The following AFAP1L2 variants were observed in gnomAD, a reference collection of about 807,000 sequenced individuals.
The protein encoded by AFAP1L2 is actin filament associated protein 1 like 2.
Under a neutral mutation model 99.3 loss-of-function variants are expected in AFAP1L2, and 46 were observed. The ratio of observed to expected loss-of-function variants is 0.46; its 90% CI spans 0.37 to 0.59. The LOEUF (loss-of-function observed/expected upper bound fraction) is 0.59, where lower values mean the gene tolerates loss of function less well. AFAP1L2 is among the 20% of genes least tolerant of loss of function. The pLI is 0.00. For missense variants in AFAP1L2, 959 were observed against 1,034.9 expected, an observed-to-expected ratio of 0.93 and a Z score of 1.01; for synonymous variants, 397 against 419.1, an observed-to-expected ratio of 0.95 and a Z score of 0.64.
In AFAP1L2 at chr10:114,295,590, C is replaced by T; in HGVS notation, c.*452G>A. On this transcript the variant is annotated 3_prime_UTR_variant, in exon 19 of 19. Transcript: ENST00000304129. ...GAACTGAAGGCAAGGATGGTTTAAT[C>T]CCCAACTGCTAAGTATTGGATAAGA... 1 of 988,284 alleles carries T rather than the reference C, an allele frequency of 1.0e-6. No homozygotes were observed. Among genetic ancestry groups the T allele is most frequent in the Non-Finnish European group, 1.2e-6 (1 of 831,964 alleles). 61.2% of individuals were successfully genotyped at this position (988,284 alleles called of 1,614,324 possible).
chr10:114,391,135 C>T (rs1164875343), intron 1 of AFAP1L2, among the ~76,000 whole-genome samples: 1 of 152,202 alleles, frequency 6.6e-6, no homozygotes, highest in East Asian at 1.9e-4. Flanking sequence ...ACTCAGTGAA[C>T]AGAGCCCTTA....
intron 9 of AFAP1L2, 118 bp from the exon 10 acceptor site, chr10:114,308,027 T>A: frequency 1.2e-6 from 1 of 815,472 alleles, no homozygotes; most frequent in African/African-American, 1.7e-5. Flanking sequence ...CCCCGCTACA[T>A]ATGCGCGCAC....
chr10:114,343,949 C>T (rs1590350308), intron 1 of AFAP1L2, among the ~76,000 whole-genome samples: 1 of 152,276 alleles, frequency 6.6e-6, no homozygotes, highest in Non-Finnish European at 1.5e-5. Flanking sequence ...CGGGAGACAA[C>T]ACCAAGGCAG....
At chr10:114,324,266 CAG>C (rs1392920605) in intron 4 of AFAP1L2, among the ~76,000 whole-genome samples, 1 of 152,194 alleles carries the variant, frequency 6.6e-6, no homozygotes, top group East Asian at 1.9e-4. Context: ...GTTTTTCTGA[CAG>C]AGTCTCATTC....
intron 1 of AFAP1L2, among the ~76,000 whole-genome samples, chr10:114,345,167 G>A (rs190682830): frequency 5.4e-5 from 8 of 149,104 alleles, no homozygotes; most frequent in African/African-American, 2.0e-4. Context: ...GAAAGTACAT[G>A]TGTTTGGGAA....
upstream of AFAP1L2, chr10:114,404,629 C>A (rs2058558444): frequency 5.7e-6 from 5 of 883,458 alleles, no homozygotes; most frequent in Non-Finnish European, 7.5e-6. Flanking sequence ...CCAGGGCTCG[C>A]CCCCAGCGCC....
intron 4 of AFAP1L2, among the ~76,000 whole-genome samples, chr10:114,325,487 G>A (rs1240745662): frequency 1.3e-5 from 2 of 152,234 alleles, no homozygotes; most frequent in African/African-American, 4.8e-5. Context: ...CTGATATGAG[G>A]CACAGGGCAG....
chr10:114,365,936 A>G (rs1590607293), intron 1 of AFAP1L2, among the ~76,000 whole-genome samples: 1 of 151,894 alleles, frequency 6.6e-6, no homozygotes, highest in East Asian at 1.9e-4. Context: ...GGGTCTTGCT[A>G]TATTGCCCAG....
At chr10:114,335,717 T>C (rs1458846132) in intron 2 of AFAP1L2, among the ~76,000 whole-genome samples, 2 of 152,214 alleles carry the variant, frequency 1.3e-5, no homozygotes, top group African/African-American at 4.8e-5. Context: ...AAGGTAGCTC[T>C]GTGTCTGTTT....
chr10:114,287,186 T>A, the AFAP1L2 span, among the ~76,000 whole-genome samples: 1 of 152,060 alleles, frequency 6.6e-6, no homozygotes, highest in African/African-American at 2.4e-5. Context: ...GAAACACGTC[T>A]TTTTTTTCTT....
At chr10:114,303,551 C>T (rs1349133858) in intron 11 of AFAP1L2, among the ~76,000 whole-genome samples, 2 of 152,228 alleles carry the variant, frequency 1.3e-5, no homozygotes, top group African/African-American at 4.8e-5. Context: ...GGGTGATCCA[C>T]CTGCCTCAGC....
the AFAP1L2 span, among the ~76,000 whole-genome samples, chr10:114,287,643 C>T: frequency 6.6e-6 from 1 of 152,176 alleles, no homozygotes; most frequent in South Asian, 2.1e-4. Context: ...CCTGCCCCTC[C>T]AGGCTGGTCT....
intron 1 of AFAP1L2, among the ~76,000 whole-genome samples, chr10:114,378,564 C>G (rs1211129055): frequency 6.6e-6 from 1 of 152,228 alleles, no homozygotes; most frequent in Admixed American, 6.5e-5. Flanking sequence ...TGGTCCGTCT[C>G]CCTCAAGCAA....
downstream of AFAP1L2, chr10:114,294,767 C>T (rs1336443379): frequency 1.1e-6 from 1 of 931,758 alleles, no homozygotes. Flanking sequence ...CAAAACATTT[C>T]CTCCCTTGAG....
Position 114,301,480 on chromosome 10 carries a change from AGGTGGCACACATGAAGCAGCCGGGGCAG to A in AFAP1L2, c.1431-43_1431-16del. ...TCTGCATCAGTCTGGAAACAGGGCG[AGGTGGCACACATGAAGCAGCCGGGGCAG>A]GGTGGTGAAAGCACCAGACTCCAAG... On this transcript the variant is annotated splice_polypyrimidine_tract_variant and intron_variant, in intron 12 of 18. Transcript: ENST00000304129. The A allele has an allele frequency of 6.3e-7, 1 of 1,586,436 alleles. No individual in the cohort carries two copies. The highest frequency in any genetic ancestry group is 8.7e-7 in the Non-Finnish European group (1 of 1,154,714).
At chr10:114,399,528 A>G (rs1389656786) in intron 1 of AFAP1L2, among the ~76,000 whole-genome samples, 1 of 152,186 alleles carries the variant, frequency 6.6e-6, no homozygotes, top group Non-Finnish European at 1.5e-5. Context: ...TCTCAGGGAT[A>G]TTATATCCTA....
intron 2 of AFAP1L2, among the ~76,000 whole-genome samples, chr10:114,336,384 A>G (rs570918457): frequency 6.6e-6 from 1 of 152,380 alleles, no homozygotes; most frequent in South Asian, 2.1e-4. Context: ...ATTCAGCATC[A>G]GCACTGTGCT....
intron 5 of AFAP1L2, among the ~76,000 whole-genome samples, chr10:114,322,446 T>C (rs1716764478): frequency 6.6e-6 from 1 of 152,200 alleles, no homozygotes; most frequent in South Asian, 2.1e-4. Context: ...CTCTCCTGCC[T>C]TGACGCTTTT....
chr10:114,360,212 C>T (rs1413107301), intron 1 of AFAP1L2, among the ~76,000 whole-genome samples: 1 of 152,154 alleles, frequency 6.6e-6, no homozygotes, highest in Non-Finnish European at 1.5e-5. Context: ...TCCTGCCTGT[C>T]GGTCTGAGCT....
Sources: gnomAD v4.1 joint callset for allele counts (sites outside exome capture counted in the v4.1 genomes callset) on GRCh38, gnomAD v4.1.1 for gene constraint, MANE v1.5 for transcripts, NCBI Gene and HGNC (gene_info 2026-07-23, HGNC 2026-07-21) for gene names.